The following SDK1 variants were observed in gnomAD, a reference collection of about 807,000 sequenced individuals.
The protein encoded by SDK1 is protein sidekick-1.
A neutral mutation model predicts 245.5 loss-of-function variants in SDK1; 157 were observed. The observed-to-expected ratio is 0.64, with a 90% CI of 0.56 to 0.73. SDK1 has a LOEUF of 0.73. SDK1 is among the 30% of genes least tolerant of loss of function. The probability of loss-of-function intolerance (pLI) is 0.00; values close to 1 mark genes in which losing one functional copy is unlikely to be tolerated. For synonymous variants in SDK1, 1,647 were observed against 1,278.5 expected (o/e 1.29, Z -6.15); for missense variants, 3,583 against 3,002.3 (o/e 1.19, Z -4.52).
chr7:4,219,973 TA>T, intron 38 of SDK1, 135 bp from the exon 39 acceptor site: 2 of 1,044,250 alleles, frequency 1.9e-6, no homozygotes, highest in Non-Finnish European at 1.4e-6. Flanking sequence ...TACCACCATA[TA>T]AACTCCTAAT....
Position 4,089,409 on chromosome 7 carries a change from G to A in SDK1, c.3324+9825G>A, listed in dbSNP as rs118112781. On this transcript the variant is annotated intron_variant, in intron 22 of 44. Coordinates refer to ENST00000404826, the MANE Select transcript of SDK1 (RefSeq NM_152744.4). ...GATCTGCATCTCCGCTGAGGGTCCC[G>A]CCTCAGGGGGCCTCTGTGCTGGGCC... 3.4e-3 allele frequency among the ~76,000 whole-genome samples: 515 copies of A among 152,348 alleles called. 3 individuals carry two copies. The highest frequency in any genetic ancestry group is 0.03 in the South Asian group (147 of 4,832).
intron 1 of SDK1, among the ~76,000 whole-genome samples, chr7:3,428,433 A>G (rs1470748636): frequency 1.3e-5 from 2 of 152,240 alleles, no homozygotes; most frequent in African/African-American, 2.4e-5. Context: ...AAATGGCTAC[A>G]TACAGCACAT....
chr7:3,751,818 C>T (rs1387429933), intron 4 of SDK1, among the ~76,000 whole-genome samples: 1 of 152,172 alleles, frequency 6.6e-6, no homozygotes, highest in Non-Finnish European at 1.5e-5. Flanking sequence ...TCCATTTCCT[C>T]TGAGGACCGC....
intron 9 of SDK1, among the ~76,000 whole-genome samples, chr7:3,966,735 T>C (rs190266684): frequency 6.6e-5 from 10 of 152,198 alleles, no homozygotes; most frequent in African/African-American, 2.2e-4. Flanking sequence ...ACCCAGGCTG[T>C]AGTACAGTGG....
chr7:3,570,616 T>A (rs1042337903), intron 1 of SDK1, among the ~76,000 whole-genome samples: 2 of 152,222 alleles, frequency 1.3e-5, no homozygotes, highest in Non-Finnish European at 2.9e-5. Flanking sequence ...GAAATACTTC[T>A]TGTTTTCTAA....
chr7:3,502,984 T>C (rs530692857), intron 1 of SDK1, among the ~76,000 whole-genome samples: 3 of 152,326 alleles, frequency 2.0e-5, no homozygotes, highest in African/African-American at 4.8e-5. Context: ...TTGTTGTTCT[T>C]GGAATTACTT....
intron 22 of SDK1, among the ~76,000 whole-genome samples, chr7:4,082,656 T>C (rs1033176040): frequency 1.3e-5 from 2 of 152,308 alleles, no homozygotes; most frequent in East Asian, 3.9e-4. Context: ...AATCTCACTC[T>C]GTCACCCAGA....
intron 1 of SDK1, among the ~76,000 whole-genome samples, chr7:3,474,545 G>A (rs929516584): frequency 6.6e-6 from 1 of 151,888 alleles, no homozygotes; most frequent in East Asian, 1.9e-4. Context: ...TATCACATTG[G>A]ACGTTTACCT....
chr7:3,593,218 G>C (rs1780940873), intron 1 of SDK1, among the ~76,000 whole-genome samples: 1 of 152,152 alleles, frequency 6.6e-6, no homozygotes, highest in African/African-American at 2.4e-5. Flanking sequence ...CCTTTTCTCA[G>C]CACCTCTGGA....
chr7:4,127,016 C>A (rs766286128), intron 25 of SDK1, among the ~76,000 whole-genome samples: 14 of 152,158 alleles, frequency 9.2e-5, no homozygotes, highest in Non-Finnish European at 1.9e-4. Flanking sequence ...GTCCCTATCA[C>A]AGAATACCAC....
At chr7:3,599,115 T>TTTTTTTTTC (rs1562592362) in intron 1 of SDK1, among the ~76,000 whole-genome samples, 1 of 96,808 alleles carries the variant, frequency 1.0e-5, no homozygotes, top group Non-Finnish European at 2.1e-5. Flanking sequence ...TTTTTTTTTT[T>TTTTTTTTTC]ACATCCTCAC....
intron 4 of SDK1, among the ~76,000 whole-genome samples, chr7:3,711,430 A>G (rs1393568846): frequency 6.6e-6 from 1 of 152,192 alleles, no homozygotes; most frequent in Non-Finnish European, 1.5e-5. Flanking sequence ...AATAAACAAG[A>G]TGATGATAGA....
intron 1 of SDK1, among the ~76,000 whole-genome samples, chr7:3,558,995 G>C (rs1352285356): frequency 6.6e-6 from 1 of 152,142 alleles, no homozygotes; most frequent in African/African-American, 2.4e-5. Context: ...ATGGGTATTG[G>C]AAGGAATGGC....
intron 35 of SDK1, among the ~76,000 whole-genome samples, chr7:4,200,661 C>G (rs1783833396): frequency 6.6e-6 from 1 of 152,248 alleles, no homozygotes; most frequent in Non-Finnish European, 1.5e-5. Flanking sequence ...TGGCAGCTGG[C>G]TTCCTTAGCA....
intron 14 of SDK1, among the ~76,000 whole-genome samples, chr7:3,999,152 A>G (rs891554250): frequency 6.6e-6 from 1 of 152,180 alleles, no homozygotes; most frequent in South Asian, 2.1e-4. Context: ...GCACACACAC[A>G]TGTATCATGT....
chr7:3,993,165 G>A (rs1784468486), intron 14 of SDK1, among the ~76,000 whole-genome samples: 1 of 152,014 alleles, frequency 6.6e-6, no homozygotes, highest in Non-Finnish European at 1.5e-5. Context: ...TGTTAGAAAT[G>A]GAGATTTTCG....
Position 3,465,804 on chromosome 7 carries a change from C to G in SDK1, c.299-153276C>G, listed in dbSNP as rs80180687. On this transcript the variant is annotated intron_variant, in intron 1 of 44. Coordinates refer to ENST00000404826, the MANE Select transcript of SDK1 (RefSeq NM_152744.4). ...TGGCTTTGCAGCCTATGATGGAGTA[C>G]TTTAGGGAGTCACCTTTTGGGTTGG... Among the ~76,000 whole-genome samples the G allele has an allele frequency of 9.1e-3, 1,389 of 152,230 alleles. 23 individuals carry two copies. Among genetic ancestry groups the G allele is most frequent in the African/African-American group, 0.031 (1,297 of 41,528 alleles).
chr7:3,767,981 A>G (rs774211293), intron 4 of SDK1, among the ~76,000 whole-genome samples: 6 of 152,190 alleles, frequency 3.9e-5, no homozygotes, highest in Non-Finnish European at 7.3e-5. Context: ...TCATAACTCT[A>G]ATACGTAGGT....
At chr7:3,948,962 T>G (rs1281165182) in intron 5 of SDK1, among the ~76,000 whole-genome samples, 2 of 152,158 alleles carry the variant, frequency 1.3e-5, no homozygotes, top group African/African-American at 4.8e-5. Flanking sequence ...CTCCGGCCGT[T>G]TCTCCTCATC....
Sources: allele counts gnomAD v4.1 joint callset (sites outside exome capture counted in the v4.1 genomes callset), GRCh38; gene constraint gnomAD v4.1.1; transcripts MANE v1.5; gene names NCBI Gene and HGNC (gene_info 2026-07-23, HGNC 2026-07-21).